LIN9: variants seen among roughly 807,000 people sequenced by gnomAD.
LIN9 encodes lin-9 DREAM MuvB core complex component.
A neutral mutation model predicts 78.0 loss-of-function variants in LIN9; 18 were observed. The observed-to-expected ratio is 0.23, with a 90% CI of 0.16 to 0.34. The LOEUF (loss-of-function observed/expected upper bound fraction) is 0.34. Ranked by LOEUF, LIN9 falls within the 10% of genes least tolerant of loss-of-function variation. The probability of loss-of-function intolerance (pLI) is 1.00; values close to 1 mark genes in which losing one functional copy is unlikely to be tolerated. For synonymous variants in LIN9, 192 were observed against 215.2 expected (o/e 0.89, Z 0.94); for missense variants, 451 against 644.1 (o/e 0.70, Z 3.25).
At chr1:226,292,511 T>C (rs1046797043) in intron 4 of LIN9, among the ~76,000 whole-genome samples, 4 of 152,132 alleles carry the variant, frequency 2.6e-5, no homozygotes, top group African/African-American at 9.7e-5. Context: ...GGCTGGACTG[T>C]AGTGGTCTGA....
chr1:226,260,733 C>T (rs1659525880), intron 10 of LIN9, among the ~76,000 whole-genome samples: 1 of 147,922 alleles, frequency 6.8e-6, no homozygotes, highest in Admixed American at 6.9e-5. Flanking sequence ...CAAGCTCCGC[C>T]TCCCAGGTTC....
intron 7 of LIN9, among the ~76,000 whole-genome samples, chr1:226,277,146 CCA>C: frequency 6.6e-6 from 1 of 150,760 alleles, no homozygotes; most frequent in Non-Finnish European, 1.5e-5. Context: ...GAGGTCGAGG[CCA>C]CAGTGAGCCA....
Position 226,265,023 on chromosome 1 carries a change from A to G in LIN9, c.1038+510T>C, listed in dbSNP as rs1462908529. 6.6e-6 allele frequency among the ~76,000 whole-genome samples: 1 copy of G among 152,116 alleles called. No individual in the cohort carries two copies. Among genetic ancestry groups the G allele is most frequent in the African/African-American group, 2.4e-5 (1 of 41,398 alleles). ...TTTTTAAGAGTCCAGCTATAAGGAAATTTTCCAATATAATACTTCTACACT... is the reference window on the plus strand; with the variant it reads ...TTTTTAAGAGTCCAGCTATAAGGAAGTTTTCCAATATAATACTTCTACACT... On this transcript the variant is annotated intron_variant, in intron 10 of 14. Transcript: ENST00000681046. The surrounding 1 kb of genome is among the most constrained non-coding windows in gnomAD (Gnocchi z 4.1).
intron 1 of LIN9, among the ~76,000 whole-genome samples, chr1:226,305,625 G>A (rs1474876652): frequency 6.6e-6 from 1 of 152,018 alleles, no homozygotes; most frequent in Non-Finnish European, 1.5e-5. Flanking sequence ...GGGTGTGGGG[G>A]GGTAGCATTC....
intron 7 of LIN9, among the ~76,000 whole-genome samples, chr1:226,273,965 G>C (rs1287192555): frequency 2.0e-5 from 3 of 151,702 alleles, no homozygotes; most frequent in African/African-American, 7.3e-5. Context: ...AGCCTCCCAA[G>C]TAGCTAGGAT....
chr1:226,252,018 G>A (rs538053867), intron 10 of LIN9, among the ~76,000 whole-genome samples: 76 of 152,258 alleles, frequency 5.0e-4, no homozygotes, highest in African/African-American at 1.8e-3. Flanking sequence ...ACTTTGGGAG[G>A]CCAAGGCGGG....
At position 226,286,469 on chromosome 1, in the gene LIN9, G is replaced by C. The variant is rs373034743; in HGVS notation, c.399-11C>G. The C allele has an allele frequency of 9.1e-6, 14 of 1,540,148 alleles. No individual in the cohort carries two copies. Among genetic ancestry groups the C allele is most frequent in the Admixed American group, 2.0e-5 (1 of 50,208 alleles). On this transcript the variant is annotated splice_polypyrimidine_tract_variant and intron_variant, in intron 5 of 14. Transcript: ENST00000681046. ...CCTTCAAAAAGTGGTCTGTAAAACA[G>C]ATATAGTATTTTAATGGTTACATAC...
intron 1 of LIN9, among the ~76,000 whole-genome samples, chr1:226,302,543 T>A (rs1336739026): frequency 7.3e-6 from 1 of 137,136 alleles, no homozygotes; most frequent in African/African-American, 2.8e-5. Flanking sequence ...TGAGACTCCA[T>A]GTCCAAAAAA....
At chr1:226,278,641 T>G (rs900732422) in intron 6 of LIN9, among the ~76,000 whole-genome samples, 2 of 145,470 alleles carry the variant, frequency 1.4e-5, no homozygotes, top group Non-Finnish European at 3.0e-5. Flanking sequence ...CTGGCCAACA[T>G]GGCAAAATCC....
At chr1:226,300,534 A>G (rs1436115492) in intron 2 of LIN9, among the ~76,000 whole-genome samples, 1 of 152,094 alleles carries the variant, frequency 6.6e-6, no homozygotes, top group Non-Finnish European at 1.5e-5. Flanking sequence ...CTGTGTGACA[A>G]AGCGAGACCC....
At chr1:226,267,825 T>TG in intron 8 of LIN9, 132 bp downstream of exon 8, 1 of 902,666 alleles carries the variant, frequency 1.1e-6, no homozygotes. Flanking sequence ...CAGATAGGGC[T>TG]GGGGTCCCCT....
At position 226,286,242 on chromosome 1, in the gene LIN9, A is replaced by G. The variant is rs900664888; in HGVS notation, c.524+91T>C. The G allele has an allele frequency of 1.1e-4, 148 of 1,404,998 alleles. 1 individual carries two copies. The Admixed American group carries it at 3.2e-3, about 31-fold the overall frequency. The allele number at this position is 1,404,998 out of a possible 1,614,324, so 87.0% of individuals were successfully genotyped here. A position where few individuals can be genotyped will look rare whatever the true frequency, so the allele number is the denominator to read the frequency against. On this transcript the variant is annotated intron_variant, in intron 6 of 14. Coordinates refer to ENST00000681046, the MANE Select transcript of LIN9 (RefSeq NM_001366245.2). The stretch of plus-strand genomic sequence containing the variant: ...ACCCCTGGCCTTAAGCAAATACCCC[A>G]TCTTAGCCTTCCAAGTAACTGGGAT...
At chr1:226,233,281 T>C in intron 13 of LIN9, 63 bp downstream of exon 13, 1 of 1,522,554 alleles carries the variant, frequency 6.6e-7, no homozygotes, top group Non-Finnish European at 9.0e-7. Context: ...ATTAATTTCT[T>C]AGCAACAAAT....
chr1:226,309,676 G>A, upstream of LIN9: 1 of 1,283,082 alleles, frequency 7.8e-7, no homozygotes, highest in Non-Finnish European at 1.0e-6. Flanking sequence ...CACTTTTCCC[G>A]AGACCGCCGG....
chr1:226,259,680 CA>C (rs1370964298), intron 10 of LIN9, among the ~76,000 whole-genome samples: 1 of 151,266 alleles, frequency 6.6e-6, no homozygotes, highest in Non-Finnish European at 1.5e-5. Context: ...TAATACGAGT[CA>C]AAAAAGCAAT....
chr1:226,270,889 T>C (rs950548106), intron 7 of LIN9, among the ~76,000 whole-genome samples: 3 of 151,410 alleles, frequency 2.0e-5, no homozygotes, highest in African/African-American at 7.3e-5. Context: ...ATTCTCTTCA[T>C]TTCTGTTTTT....
intron 1 of LIN9, among the ~76,000 whole-genome samples, chr1:226,304,687 G>C (rs548617960): frequency 1.3e-5 from 2 of 152,126 alleles, no homozygotes; most frequent in Non-Finnish European, 2.9e-5. Flanking sequence ...AGAAGAAACA[G>C]GTTAAGTCCT....
chr1:226,304,433 GACAA>G (rs375540707), intron 1 of LIN9, among the ~76,000 whole-genome samples: 4 of 152,224 alleles, frequency 2.6e-5, no homozygotes, highest in African/African-American at 7.2e-5. Flanking sequence ...CAAAGAACAA[GACAA>G]ACAAAGCCTC....
intron 4 of LIN9, among the ~76,000 whole-genome samples, chr1:226,288,455 G>C (rs1661513902): frequency 6.6e-6 from 1 of 152,072 alleles, no homozygotes; most frequent in Admixed American, 6.6e-5. Context: ...TGGCCAATCA[G>C]GTAAGAAGAA....
Sources: allele counts gnomAD v4.1 joint callset (sites outside exome capture counted in the v4.1 genomes callset), GRCh38; gene constraint gnomAD v4.1.1; non-coding constraint Gnocchi (gnomAD v3.1); transcripts MANE v1.5; gene names NCBI Gene and HGNC (gene_info 2026-07-23, HGNC 2026-07-21).